PRKAR1B: variants seen among roughly 807,000 people sequenced by gnomAD.
The protein encoded by PRKAR1B is cAMP-dependent protein kinase type I-beta regulatory subunit.
PRKAR1B carries 22 observed loss-of-function variants against 46.5 expected under a neutral mutation model. The ratio of observed to expected loss-of-function variants is 0.47; its 90% CI spans 0.34 to 0.68. The LOEUF (loss-of-function observed/expected upper bound fraction) is 0.68. Ranked by LOEUF, PRKAR1B falls within the 30% of genes least tolerant of loss-of-function variation. The pLI, the probability that PRKAR1B is intolerant of heterozygous loss-of-function variation, is 0.01. For synonymous variants in PRKAR1B, 259 were observed against 217.7 expected (o/e 1.19, Z -1.67); for missense variants, 445 against 535.6 (o/e 0.83, Z 1.67).
Position 726,736 on chromosome 7 carries a change from G to T in PRKAR1B, c.-23+474C>A, listed in dbSNP as rs1200038052. The T allele has an allele frequency of 1.6e-6, 2 of 1,243,772 alleles. No individual in the cohort carries two copies. Among genetic ancestry groups the T allele is most frequent in the African/African-American group, 1.6e-5 (1 of 64,406 alleles). The allele number at this position is 1,243,772 out of a possible 1,614,324, so 77.0% of individuals were successfully genotyped here. On this transcript the variant is annotated intron_variant, in intron 1 of 10. Transcript: ENST00000537384. ...CGCGGGCAAGATGGCGGCGCTGGGG[G>T]TGGCGGAGGCCGTGGCGGCCCCACA...
Position 560,389 on chromosome 7 carries a change from T to TAAA in PRKAR1B, c.892-8922_892-8920dup, listed in dbSNP as rs1554282444. ...ATAATAATAATAATAATAATAATAA[T>TAAA]AAATATATTTTAAAAGAAACTTTGT... On this transcript the variant is annotated intron_variant, in intron 9 of 10. Coordinates refer to ENST00000537384, the MANE Select transcript of PRKAR1B (RefSeq NM_001164760.2). This position sits in a 1 kb window ranked among gnomAD's most constrained non-coding sequence, Gnocchi z 4.2. 6.2e-5 allele frequency among the ~76,000 whole-genome samples: 9 copies of TAAA among 146,192 alleles called. No individual in the cohort carries two copies. The highest frequency in any genetic ancestry group is 6.0e-4 in the East Asian group (3 of 5,030).
chr7:643,364 C>A (rs1014155453), intron 4 of PRKAR1B, among the ~76,000 whole-genome samples: 1 of 151,400 alleles, frequency 6.6e-6, no homozygotes, highest in Non-Finnish European at 1.5e-5. Context: ...AGACCTGGAC[C>A]CTGCGTCCTT....
chr7:584,940 CTG>C (rs1254705539), intron 7 of PRKAR1B, among the ~76,000 whole-genome samples: 1 of 152,112 alleles, frequency 6.6e-6, no homozygotes, highest in Non-Finnish European at 1.5e-5. Context: ...TCTGGAGAAA[CTG>C]AGGCCAACAC....
At chr7:577,037 G>A (rs1237407854) in intron 9 of PRKAR1B, among the ~76,000 whole-genome samples, 2 of 138,396 alleles carry the variant, frequency 1.4e-5, no homozygotes, top group South Asian at 2.2e-4. Context: ...GCCATCAGCG[G>A]CCCCGTCCAA....
chr7:587,638 C>CA (rs1473335143), intron 7 of PRKAR1B, among the ~76,000 whole-genome samples: 1 of 152,274 alleles, frequency 6.6e-6, no homozygotes, highest in Non-Finnish European at 1.5e-5. Context: ...GACCACCACA[C>CA]AGCCCCTTCC....
intron 4 of PRKAR1B, among the ~76,000 whole-genome samples, chr7:670,810 T>C (rs1470845043): frequency 3.0e-4 from 26 of 87,310 alleles, no homozygotes; most frequent in Admixed American, 4.8e-4. Flanking sequence ...CTCCGAGCTC[T>C]CCCACGCCGT....
At chr7:597,196 C>T (rs1395905768) in intron 6 of PRKAR1B, among the ~76,000 whole-genome samples, 6 of 152,206 alleles carry the variant, frequency 3.9e-5, no homozygotes, top group African/African-American at 1.4e-4. Flanking sequence ...CCATTGGTTG[C>T]ATATCGGGAA....
intron 2 of PRKAR1B, among the ~76,000 whole-genome samples, chr7:683,079 G>A (rs1268657908): frequency 6.6e-6 from 1 of 152,214 alleles, no homozygotes; most frequent in Non-Finnish European, 1.5e-5. Context: ...GGAGGTGGAG[G>A]AGGAATTCAG....
chr7:614,467 T>C (rs907115314), intron 4 of PRKAR1B, among the ~76,000 whole-genome samples: 2 of 152,170 alleles, frequency 1.3e-5, no homozygotes, highest in Non-Finnish European at 2.9e-5. Context: ...GAAGCTGACA[T>C]GGGCCAGATG....
intron 2 of PRKAR1B, among the ~76,000 whole-genome samples, chr7:689,775 G>T (rs560671299): frequency 2.6e-4 from 39 of 151,906 alleles, no homozygotes; most frequent in Non-Finnish European, 4.9e-4. Flanking sequence ...CGCCTCCCAG[G>T]TTCACGCCAT....
intron 8 of PRKAR1B, among the ~76,000 whole-genome samples, chr7:583,438 A>ATGC (rs143987538): frequency 1.0e-4 from 12 of 117,582 alleles, no homozygotes; most frequent in Non-Finnish European, 1.5e-4. Context: ...ACACACCCAC[A>ATGC]GTGCACACTC....
intron 7 of PRKAR1B, among the ~76,000 whole-genome samples, chr7:591,157 A>C (rs1444882448): frequency 1.3e-5 from 2 of 152,246 alleles, no homozygotes; most frequent in Non-Finnish European, 2.9e-5. Context: ...TGACAGCTGA[A>C]GGCTGCCAGG....
At chr7:670,345 A>G (rs1252396221) in intron 4 of PRKAR1B, among the ~76,000 whole-genome samples, 1 of 152,202 alleles carries the variant, frequency 6.6e-6, no homozygotes, top group African/African-American at 2.4e-5. Context: ...GGACCAGTCC[A>G]TGGCCCATGC....
intron 8 of PRKAR1B, among the ~76,000 whole-genome samples, chr7:580,398 CAA>C (rs200369076): frequency 7.3e-6 from 1 of 137,094 alleles, no homozygotes; most frequent in Non-Finnish European, 1.6e-5. Flanking sequence ...TACTAAAATA[CAA>C]AAAAAATAAT....
intron 4 of PRKAR1B, among the ~76,000 whole-genome samples, chr7:610,940 G>A (rs368901508): frequency 7.9e-5 from 12 of 152,204 alleles, no homozygotes; most frequent in Admixed American, 3.9e-4. Flanking sequence ...CTGGGGACAC[G>A]GAAGGCCCCC....
chr7:704,204 T>TA (rs1780196886), intron 2 of PRKAR1B, among the ~76,000 whole-genome samples: 1 of 151,708 alleles, frequency 6.6e-6, no homozygotes, highest in African/African-American at 2.4e-5. Flanking sequence ...ATAATAAAAA[T>TA]AAGAGGAGAA....
chr7:647,828 A>C (rs1784698497), intron 4 of PRKAR1B, among the ~76,000 whole-genome samples: 2 of 150,988 alleles, frequency 1.3e-5, no homozygotes, highest in African/African-American at 4.9e-5. Flanking sequence ...AAAAAAAAAA[A>C]AAACCTCCTC....
chr7:695,158 G>A (rs1340268309), intron 2 of PRKAR1B, among the ~76,000 whole-genome samples: 2 of 152,152 alleles, frequency 1.3e-5, no homozygotes, highest in Non-Finnish European at 2.9e-5. Flanking sequence ...CCAGACGACC[G>A]CTCAGCTACT....
chr7:705,980 T>C (rs775730353), intron 2 of PRKAR1B, among the ~76,000 whole-genome samples: 4 of 151,750 alleles, frequency 2.6e-5, no homozygotes, highest in African/African-American at 4.8e-5. Flanking sequence ...GAGCTGAGAC[T>C]GTGCCACTGC....
Sources: allele counts gnomAD v4.1 joint callset (sites outside exome capture counted in the v4.1 genomes callset), GRCh38; gene constraint gnomAD v4.1.1; non-coding constraint Gnocchi (gnomAD v3.1); transcripts MANE v1.5; gene names NCBI Gene and HGNC (gene_info 2026-07-23, HGNC 2026-07-21).